Variants in GRIK4 observed in about 807,000 individuals in gnomAD.
GRIK4 encodes the protein glutamate receptor ionotropic, kainate 4.
GRIK4 carries 40 observed loss-of-function variants against 104.9 expected under a neutral mutation model. The ratio of observed to expected loss-of-function variants is 0.38; its 90% CI spans 0.30 to 0.50. GRIK4 has a LOEUF of 0.50. Ranked by LOEUF, GRIK4 falls within the 20% of genes least tolerant of loss-of-function variation. The pLI, the probability that GRIK4 is intolerant of heterozygous loss-of-function variation, is 0.93. For synonymous variants in GRIK4, 485 were observed against 524.9 expected (o/e 0.92, Z 1.04); for missense variants, 1,047 against 1,308.1 (o/e 0.80, Z 3.08).
chr11:120,877,022 G>T (rs1954839102), intron 11 of GRIK4, among the ~76,000 whole-genome samples: 2 of 152,184 alleles, frequency 1.3e-5, no homozygotes, highest in South Asian at 4.1e-4. Flanking sequence ...ATTATGCTGG[G>T]CCCTGAGGCC....
intron 16 of GRIK4, among the ~76,000 whole-genome samples, chr11:120,957,516 T>C (rs1944183327): frequency 6.6e-6 from 1 of 151,904 alleles, no homozygotes; most frequent in Admixed American, 6.6e-5. Context: ...CTTTGAAAAC[T>C]TGAAAGTGCT....
intron 3 of GRIK4, among the ~76,000 whole-genome samples, chr11:120,770,866 T>C (rs1951927469): frequency 6.6e-6 from 1 of 152,214 alleles, no homozygotes; most frequent in Admixed American, 6.5e-5. Flanking sequence ...GTGCTACCTA[T>C]GAACCAGAAA....
intron 3 of GRIK4, among the ~76,000 whole-genome samples, chr11:120,790,043 G>T (rs974465914): frequency 6.6e-6 from 1 of 152,084 alleles, no homozygotes; most frequent in Admixed American, 6.5e-5. Flanking sequence ...AGAGTCAAAT[G>T]ACCTCATCTT....
chr11:120,642,144 C>G (rs990604830), intron 1 of GRIK4, among the ~76,000 whole-genome samples: 4 of 152,174 alleles, frequency 2.6e-5, no homozygotes, highest in African/African-American at 9.7e-5. Context: ...GTACGGAATA[C>G]AGTGCTGAGT....
chr11:120,980,332 C>T (rs570626396), intron 19 of GRIK4, among the ~76,000 whole-genome samples: 2 of 152,308 alleles, frequency 1.3e-5, no homozygotes, highest in South Asian at 2.1e-4. Context: ...GTAATTCATC[C>T]GTGTTGCACA....
At chr11:120,977,371 G>A (rs879528662) in intron 19 of GRIK4, among the ~76,000 whole-genome samples, 4 of 152,216 alleles carry the variant, frequency 2.6e-5, no homozygotes, top group African/African-American at 4.8e-5. Flanking sequence ...TGAGTGCCGC[G>A]TGGGCCTTGT....
intron 12 of GRIK4, among the ~76,000 whole-genome samples, chr11:120,901,317 ATCCTGCCGCTCGCTGC>A (rs1942731719): frequency 1.9e-4 from 2 of 10,572 alleles, no homozygotes; most frequent in African/African-American, 2.9e-3. Context: ...TGCTCGCTGC[ATCCTGCCGCTCGCTGC>A]ATCCTGCCCC....
At chr11:120,918,495 G>A (rs1943158922) in intron 13 of GRIK4, among the ~76,000 whole-genome samples, 1 of 152,196 alleles carries the variant, frequency 6.6e-6, no homozygotes, top group Non-Finnish European at 1.5e-5. Flanking sequence ...GGTTTGTGCA[G>A]GTTAAGACAT....
At position 120,864,364 on chromosome 11, in the gene GRIK4, C is replaced by T. The variant is rs571535438; in HGVS notation, c.906+2244C>T. Among the ~76,000 whole-genome samples, 448 of 152,090 alleles carry T rather than the reference C, an allele frequency of 2.9e-3. 5 individuals carry two copies. Among genetic ancestry groups the T allele is most frequent in the African/African-American group, 9.9e-3 (412 of 41,484 alleles). Reference sequence around the variant, plus strand: ...CACGCCATTCTCCTGCCTCAGCCTCCGGAGTAGCTGGGACTACAGGTGCCC... The same window carrying T: ...CACGCCATTCTCCTGCCTCAGCCTCTGGAGTAGCTGGGACTACAGGTGCCC... On this transcript the variant is annotated intron_variant, in intron 9 of 20. Coordinates refer to ENST00000527524, the MANE Select transcript of GRIK4 (RefSeq NM_014619.5).
chr11:120,716,973 C>T (rs550199111), intron 3 of GRIK4, among the ~76,000 whole-genome samples: 6 of 152,236 alleles, frequency 3.9e-5, no homozygotes, highest in East Asian at 3.9e-4. Context: ...TTAGAGAGGG[C>T]GTGCTTAGGG....
chr11:120,664,743 G>C (rs1426881662), intron 3 of GRIK4, among the ~76,000 whole-genome samples: 2 of 152,196 alleles, frequency 1.3e-5, no homozygotes, highest in Admixed American at 6.5e-5. Context: ...ATAGTTTCCT[G>C]CTCTTTTATG....
chr11:120,755,980 A>G (rs1477536282), intron 3 of GRIK4, among the ~76,000 whole-genome samples: 1 of 152,134 alleles, frequency 6.6e-6, no homozygotes, highest in East Asian at 1.9e-4. Context: ...TAGGATTAGG[A>G]CAGAGGTGTT....
At chr11:120,745,733 G>A (rs912730534) in intron 3 of GRIK4, among the ~76,000 whole-genome samples, 1 of 152,194 alleles carries the variant, frequency 6.6e-6, no homozygotes, top group African/African-American at 2.4e-5. Flanking sequence ...AACCCTGAAA[G>A]ATCTTTTGGG....
At chr11:120,815,558 T>A in intron 5 of GRIK4, 83 bp downstream of exon 5, 1 of 751,390 alleles carries the variant, frequency 1.3e-6, no homozygotes, top group Non-Finnish European at 2.1e-6. Context: ...TCTCAAGGGC[T>A]GGAAGAGCCT....
chr11:120,908,516 C>G (rs1164340353), intron 13 of GRIK4, among the ~76,000 whole-genome samples: 1 of 151,996 alleles, frequency 6.6e-6, no homozygotes, highest in Non-Finnish European at 1.5e-5. Context: ...AGGCCAGGCT[C>G]CCTAGAAAAC....
At chr11:120,715,705 G>A (rs1282427201) in intron 3 of GRIK4, among the ~76,000 whole-genome samples, 3 of 152,148 alleles carry the variant, frequency 2.0e-5, no homozygotes, top group Non-Finnish European at 4.4e-5. Flanking sequence ...GGAAGAAAAC[G>A]TCCCGTGTTT....
At chr11:120,716,335 C>CAAA (rs1950833235) in intron 3 of GRIK4, among the ~76,000 whole-genome samples, 1 of 152,092 alleles carries the variant, frequency 6.6e-6, no homozygotes, top group Admixed American at 6.5e-5. Context: ...CTTTCACCTC[C>CAAA]TGGGTTCAAG....
intron 1 of GRIK4, among the ~76,000 whole-genome samples, chr11:120,533,876 C>CAAAACA (rs761777701): frequency 3.9e-5 from 6 of 152,132 alleles, no homozygotes; most frequent in East Asian, 1.9e-4. Context: ...GACTGTGTCT[C>CAAAACA]AAAACAAAAA....
At position 120,952,992 on chromosome 11, in the gene GRIK4, T is replaced by A; in HGVS notation, c.1700+28T>A. ...ACTCTCCTCTTCCCTTCCCTGTCCT[T>A]ACACCGCCACCTCGTGTCCACCTCT... On this transcript the variant is annotated intron_variant, in intron 15 of 20. Transcript: ENST00000527524. The surrounding 1 kb of genome is among the most constrained non-coding windows in gnomAD (Gnocchi z 5.2). 5 of 1,360,824 alleles carry A rather than the reference T, an allele frequency of 3.7e-6. No individual in the cohort carries two copies. Among genetic ancestry groups the A allele is most frequent in the Non-Finnish European group, 5.2e-6 (5 of 962,430 alleles). 84.3% of individuals were successfully genotyped at this position (1,360,824 alleles called of 1,614,324 possible). A position where few individuals can be genotyped will look rare whatever the true frequency, so the allele number is the denominator to read the frequency against.
Sources: allele counts gnomAD v4.1 joint callset (sites outside exome capture counted in the v4.1 genomes callset), GRCh38; gene constraint gnomAD v4.1.1; non-coding constraint Gnocchi (gnomAD v3.1); transcripts MANE v1.5; gene names NCBI Gene and HGNC (gene_info 2026-07-23, HGNC 2026-07-21).